SUGT1: variants seen among roughly 807,000 people sequenced by gnomAD.
SUGT1 encodes protein SGT1 homolog.
Under a neutral mutation model 56.1 loss-of-function variants are expected in SUGT1, and 15 were observed. That is an observed-to-expected ratio of 0.27 (90% CI 0.18 to 0.41). The LOEUF (loss-of-function observed/expected upper bound fraction) is 0.41, where lower values mean the gene tolerates loss of function less well. SUGT1 is among the 10% of genes least tolerant of loss of function. The pLI is 1.00. For synonymous variants in SUGT1, 123 were observed against 128.6 expected (o/e 0.96, Z 0.30); for missense variants, 347 against 382.2 (o/e 0.91, Z 0.77).
chr13:52,663,953 C>G (rs1962570871), intron 7 of SUGT1, 82 bp from the exon 8 acceptor site: 1 of 1,266,856 alleles, frequency 7.9e-7, no homozygotes, highest in Non-Finnish European at 1.1e-6. Context: ...ATTAATAATA[C>G]ATGCATTTTA....
chr13:52,653,201 G>T, intron 2 of SUGT1, 98 bp downstream of exon 2: 1 of 1,445,634 alleles, frequency 6.9e-7, no homozygotes, highest in South Asian at 1.2e-5. Context: ...GCCGGACAGG[G>T]ACCCAGGCTC....
chr13:52,687,633 A>G lies in SUGT1; in HGVS notation c.901-101A>G, dbSNP rs1325804017. 8.0e-6 allele frequency: 6 copies of G among 749,696 alleles called. No homozygotes were observed. The Admixed American group carries it at 1.7e-4, about 21-fold the overall frequency. The allele number at this position is 749,696 out of a possible 1,614,324, so 46.4% of individuals were successfully genotyped here. A position where few individuals can be genotyped will look rare whatever the true frequency, so the allele number is the denominator to read the frequency against. ...TAGAGTTTATATTGAGCTGTATATA[A>G]TAGCCAATATTTGGGGCTCTATGCT... is the stretch of plus-strand genomic sequence containing the variant. On this transcript the variant is annotated intron_variant, in intron 12 of 12. Transcript: ENST00000310528.
In SUGT1 at chr13:52,680,233, C is replaced by G. The variant is rs1015854530; in HGVS notation, c.900+78C>G. On this transcript the variant is annotated intron_variant, in intron 12 of 12. Coordinates refer to ENST00000310528, the MANE Select transcript of SUGT1 (RefSeq NM_006704.5). ...AAACGAGAAAATTGGTAATGTGAGA[C>G]CAAATTGCGTGTACTATAGCTGGGA... is the stretch of plus-strand genomic sequence containing the variant. The G allele has an allele frequency of 1.4e-5, 19 of 1,373,062 alleles. No homozygotes were observed. In the African/African-American group the frequency reaches 2.4e-4, roughly 18 times the overall value. 85.1% of individuals were successfully genotyped at this position (1,373,062 alleles called of 1,614,324 possible).
intron 10 of SUGT1, 61 bp from the exon 11 acceptor site, chr13:52,676,169 A>G (rs903149007): frequency 1.4e-6 from 2 of 1,393,454 alleles, no homozygotes; most frequent in Admixed American, 4.5e-5. Context: ...AGAAAACTGC[A>G]TTTTTTACTG....
chr13:52,659,852 G>A (rs1378280417), intron 5 of SUGT1, among the ~76,000 whole-genome samples: 1 of 103,088 alleles, frequency 9.7e-6, no homozygotes, highest in Non-Finnish European at 1.8e-5. Flanking sequence ...TTTTTGAGAC[G>A]GAGTCTCACT....
intron 8 of SUGT1, 127 bp from the exon 9 acceptor site, chr13:52,665,510 C>CGGT: frequency 3.8e-6 from 1 of 259,982 alleles, no homozygotes; most frequent in Non-Finnish European, 6.1e-6. Context: ...TTCTGTGAAT[C>CGGT]AGTAGTTGCT....
At chr13:52,654,466 T>G (rs1435409185) in intron 2 of SUGT1, among the ~76,000 whole-genome samples, 1 of 152,248 alleles carries the variant, frequency 6.6e-6, no homozygotes, top group African/African-American at 2.4e-5. Flanking sequence ...TATGGAGGCA[T>G]ATATGATTTA....
At position 52,688,544 on chromosome 13, in the gene SUGT1, G is replaced by A. The variant is rs1963677721; in HGVS notation, c.*709G>A. The A allele has an allele frequency of 6.6e-6, 1 of 152,150 alleles. No individual in the cohort carries two copies. Among genetic ancestry groups the A allele is most frequent in the African/African-American group, 2.4e-5 (1 of 41,424 alleles). The allele number at this position is 152,150 out of a possible 1,614,324, so 9.4% of individuals were successfully genotyped here. A position where few individuals can be genotyped will look rare whatever the true frequency, so the allele number is the denominator to read the frequency against. Reference sequence around the variant, plus strand: ...GTTCTAGGAAAGCCCAACTCCACTTGCTTCTTTTATCACGACAGGATTCTT... The same window carrying A: ...GTTCTAGGAAAGCCCAACTCCACTTACTTCTTTTATCACGACAGGATTCTT... On this transcript the variant is annotated 3_prime_UTR_variant, in exon 13 of 13. Coordinates refer to ENST00000310528, the MANE Select transcript of SUGT1 (RefSeq NM_006704.5).
chr13:52,655,525 G>A lies in SUGT1; in HGVS notation c.97-2007G>A, dbSNP rs370880732. On this transcript the variant is annotated intron_variant, in intron 2 of 12. Coordinates refer to ENST00000310528, the MANE Select transcript of SUGT1 (RefSeq NM_006704.5). ...TAGCAGGAAGATGGTAGTGCAGACCGGGTCAAAGATGAATATTTGCATGTA... is the reference window on the plus strand; with the variant it reads ...TAGCAGGAAGATGGTAGTGCAGACCAGGTCAAAGATGAATATTTGCATGTA... Among the ~76,000 whole-genome samples the A allele has an allele frequency of 2.6e-5, 4 of 152,170 alleles. No individual in the cohort carries two copies. In the East Asian group the frequency reaches 5.8e-4, roughly 22 times the overall value.
intron 10 of SUGT1, among the ~76,000 whole-genome samples, chr13:52,667,609 A>G (rs1962765363): frequency 1.3e-5 from 2 of 152,054 alleles, no homozygotes; most frequent in African/African-American, 4.8e-5. Flanking sequence ...AGATTACTCT[A>G]TTATGAGGGA....
chr13:52,696,977 ATTTAT>A lies in SUGT1; in HGVS notation c.*9150_*9154del, dbSNP rs1222668771. On this transcript the variant is annotated 3_prime_UTR_variant, in exon 13 of 13. Transcript: ENST00000310528. The stretch of plus-strand genomic sequence containing the variant: ...TACCATTTTTTGGAGGGGTGTCCTG[ATTTAT>A]TTTATTTATTTTATTTATTTATTTT... 12 of 115,398 alleles carry A rather than the reference ATTTAT, an allele frequency of 1.0e-4. No individual in the cohort carries two copies. The highest frequency in any genetic ancestry group is 2.0e-4 in the African/African-American group (6 of 30,174). The allele number at this position is 115,398 out of a possible 1,614,324, so 7.1% of individuals were successfully genotyped here. A position where few individuals can be genotyped will look rare whatever the true frequency, so the allele number is the denominator to read the frequency against.
At chr13:52,665,768 C>A in intron 9 of SUGT1, 35 bp downstream of exon 9, 1 of 1,434,890 alleles carries the variant, frequency 7.0e-7, no homozygotes, top group Non-Finnish European at 9.6e-7. Flanking sequence ...ATGTTGATTA[C>A]TATTATTTGC....
chr13:52,667,602 TTACTC>T (rs1962764708), intron 10 of SUGT1, among the ~76,000 whole-genome samples: 1 of 152,158 alleles, frequency 6.6e-6, no homozygotes, highest in Non-Finnish European at 1.5e-5. Flanking sequence ...GAATTTTAGA[TTACTC>T]TATTATGAGG....
At chr13:52,659,149 T>C in intron 4 of SUGT1, 30 bp from the exon 5 acceptor site, 3 of 1,508,442 alleles carry the variant, frequency 2.0e-6, no homozygotes, top group Non-Finnish European at 2.7e-6. Flanking sequence ...TTTTTGTGTG[T>C]CTTAATTTGT....
intron 2 of SUGT1, among the ~76,000 whole-genome samples, chr13:52,655,297 C>T (rs1962110253): frequency 6.6e-6 from 1 of 152,138 alleles, no homozygotes; most frequent in African/African-American, 2.4e-5. Context: ...GAGCTGAGAT[C>T]GCGCCATTGC....
intron 7 of SUGT1, 37 bp from the exon 8 acceptor site, chr13:52,663,996 CTT>C: frequency 6.2e-7 from 1 of 1,605,704 alleles, no homozygotes. Flanking sequence ...TTGTAAAAAT[CTT>C]TCTCTTTCAA....
chr13:52,660,814 C>T (rs1566177878), intron 5 of SUGT1, among the ~76,000 whole-genome samples: 1 of 151,978 alleles, frequency 6.6e-6, no homozygotes, highest in African/African-American at 2.4e-5. Context: ...ATTTTTCTTT[C>T]TTTTTTTAGC....
chr13:52,657,400 A>G (rs903145217), intron 2 of SUGT1, 132 bp from the exon 3 acceptor site: 17 of 796,896 alleles, frequency 2.1e-5, no homozygotes, highest in African/African-American at 1.1e-4. Context: ...AAAAACTCCA[A>G]TATTATATCC....
At position 52,658,408 on chromosome 13, in the gene SUGT1, C is replaced by G. The variant is rs1962264878; in HGVS notation, c.197C>G (p.Ala66Gly). 2 of 1,612,888 alleles carry G rather than the reference C, an allele frequency of 1.2e-6. No individual in the cohort carries two copies. The highest frequency in any genetic ancestry group is 1.7e-6 in the Non-Finnish European group (2 of 1,179,644). Residue 66 changes from alanine to glycine, a missense_variant, in exon 4 of 13, where the codon GCT (alanine) becomes GGT (glycine). Ala to Gly is a moderately conservative substitution (Grantham distance 60). Coordinates refer to ENST00000310528, the MANE Select transcript of SUGT1 (RefSeq NM_006704.5). ...ILLGNYCVAV[A>G]DAKKSLELNP... ...GTCTTTTTCTACACAGTTGCTGTTG[C>G]TGATGCAAAGAAGTCTCTAGAACTC...
Sources: allele counts gnomAD v4.1 joint callset (sites outside exome capture counted in the v4.1 genomes callset), GRCh38; gene constraint gnomAD v4.1.1; transcripts MANE v1.5; gene names NCBI Gene and HGNC (gene_info 2026-07-23, HGNC 2026-07-21).